The following CTNNBL1 variants were observed in gnomAD, a reference collection of about 807,000 sequenced individuals.
The protein encoded by CTNNBL1 is catenin beta like 1.
CTNNBL1 carries 31 observed loss-of-function variants against 72.7 expected under a neutral mutation model. The ratio of observed to expected loss-of-function variants is 0.43; its 90% confidence interval spans 0.32 to 0.58. CTNNBL1 has a LOEUF of 0.58. Ranked by LOEUF, CTNNBL1 falls within the 20% of genes least tolerant of loss-of-function variation. The pLI is 0.08. For synonymous variants in CTNNBL1, 240 were observed against 267.3 expected (o/e 0.90, Z 1.00); for missense variants, 534 against 725.1 (o/e 0.74, Z 3.03).
At chr20:37,759,632 A>G (rs1294883068) in intron 5 of CTNNBL1, among the ~76,000 whole-genome samples, 6 of 151,960 alleles carry the variant, frequency 3.9e-5, no homozygotes, top group Non-Finnish European at 7.4e-5. Flanking sequence ...TTTTATTTTT[A>G]TTATTATTAT....
intron 2 of CTNNBL1, among the ~76,000 whole-genome samples, chr20:37,734,693 C>T (rs1413054928): frequency 6.6e-6 from 1 of 152,236 alleles, no homozygotes; most frequent in Non-Finnish European, 1.5e-5. Flanking sequence ...ATGTTTGCCC[C>T]TGTAAAGTCA....
chr20:37,711,903 A>G (rs2072941188), intron 1 of CTNNBL1, among the ~76,000 whole-genome samples: 3 of 152,104 alleles, frequency 2.0e-5, no homozygotes, highest in Admixed American at 2.0e-4. Flanking sequence ...AGGAGGGAGA[A>G]TCCTAACATT....
At chr20:37,828,337 C>T (rs879412055) in intron 11 of CTNNBL1, among the ~76,000 whole-genome samples, 5 of 152,188 alleles carry the variant, frequency 3.3e-5, no homozygotes, top group Admixed American at 6.5e-5. Context: ...AAAGCTTCAC[C>T]ACATGAAACT....
chr20:37,780,343 T>C (rs2073615723), intron 10 of CTNNBL1, among the ~76,000 whole-genome samples: 1 of 152,164 alleles, frequency 6.6e-6, no homozygotes, highest in African/African-American at 2.4e-5. Flanking sequence ...CAAGGTACTA[T>C]GTTAAGTACT....
intron 10 of CTNNBL1, among the ~76,000 whole-genome samples, chr20:37,787,502 G>A (rs373508729): frequency 1.3e-5 from 2 of 151,930 alleles, no homozygotes; most frequent in East Asian, 1.9e-4. Flanking sequence ...CCGCCACTAC[G>A]CCCGGCTAAT....
At chr20:37,751,043 T>G (rs1435656992) in intron 4 of CTNNBL1, 4 of 152,080 alleles carry the variant, frequency 2.6e-5, no homozygotes, top group African/African-American at 9.7e-5. Flanking sequence ...TCTCTCCCTT[T>G]GCAGTGGAAA....
intron 4 of CTNNBL1, among the ~76,000 whole-genome samples, chr20:37,746,816 A>G (rs1274805911): frequency 2.0e-5 from 3 of 152,218 alleles, no homozygotes; most frequent in Non-Finnish European, 2.9e-5. Flanking sequence ...ATCTTGGGCA[A>G]TCCTTAAAAT....
chr20:37,794,933 G>A (rs2122720785), intron 10 of CTNNBL1, among the ~76,000 whole-genome samples: 1 of 151,878 alleles, frequency 6.6e-6, no homozygotes, highest in East Asian at 1.9e-4. Flanking sequence ...CTTGGTTTTT[G>A]ATGAGAAGTC....
chr20:37,722,238 C>T (rs2073046899), intron 1 of CTNNBL1, among the ~76,000 whole-genome samples: 1 of 152,088 alleles, frequency 6.6e-6, no homozygotes, highest in African/African-American at 2.4e-5. Flanking sequence ...CTTTTGGAGG[C>T]CAAGGCAGGC....
At chr20:37,854,725 G>A (rs1368829503) in intron 13 of CTNNBL1, among the ~76,000 whole-genome samples, 2 of 151,686 alleles carry the variant, frequency 1.3e-5, no homozygotes, top group African/African-American at 2.4e-5. Flanking sequence ...AGTACCTGGG[G>A]TTACAGGTGT....
rs79418629 is a variant in CTNNBL1 at position 37,791,969 on chromosome 20, A to G, written c.1032-10898A>G. 8.1e-4 allele frequency among the ~76,000 whole-genome samples: 123 copies of G among 151,144 alleles called. 1 individual carries two copies. Among genetic ancestry groups the G allele is most frequent in the South Asian group, 2.9e-3 (14 of 4,774 alleles). On this transcript the variant is annotated intron_variant, in intron 10 of 15. Coordinates refer to ENST00000361383, the MANE Select transcript of CTNNBL1 (RefSeq NM_030877.5). ...CAGTTCATGTCTTGCTTTTCATAAC[A>G]CTCTTTTGAAAATTTTTCAGTTTTG... is the stretch of plus-strand genomic sequence containing the variant.
At chr20:37,777,293 G>A (rs1014101201) in intron 7 of CTNNBL1, 52 bp from the exon 8 acceptor site, 2 of 1,435,894 alleles carry the variant, frequency 1.4e-6, no homozygotes, top group Non-Finnish European at 9.8e-7. Context: ...TTGTCCTGGG[G>A]AAGGAAGCAA....
Position 37,803,050 on chromosome 20 carries a change from T to C in CTNNBL1, c.1213+2T>C. The C allele has an allele frequency of 6.2e-7, 1 of 1,612,252 alleles. No individual in the cohort carries two copies. The highest frequency in any genetic ancestry group is 8.5e-7 in the Non-Finnish European group (1 of 1,178,934). On this transcript the variant is annotated splice_donor_variant, in intron 11 of 15. Coordinates refer to ENST00000361383, the MANE Select transcript of CTNNBL1 (RefSeq NM_030877.5). LOFTEE classifies it high-confidence loss of function. ...GAACCACTGAGAAGGAACATGAAGGTAGGGTTCACTGGAGGAGTCAGCCTA... is the reference window on the plus strand; with the variant it reads ...GAACCACTGAGAAGGAACATGAAGGCAGGGTTCACTGGAGGAGTCAGCCTA...
chr20:37,767,681 G>A (rs573010422), intron 6 of CTNNBL1, among the ~76,000 whole-genome samples: 7 of 152,238 alleles, frequency 4.6e-5, no homozygotes, highest in South Asian at 4.1e-4. Context: ...TGTGTGTTCC[G>A]CTCTAGTGTT....
chr20:37,746,667 C>T (rs1166211796), intron 4 of CTNNBL1, 60 bp downstream of exon 4: 2 of 1,578,646 alleles, frequency 1.3e-6, no homozygotes, highest in Non-Finnish European at 1.7e-6. Context: ...TGCTGTTACT[C>T]TTTCTCCTGT....
At chr20:37,762,173 G>C (rs1206421511) in intron 5 of CTNNBL1, among the ~76,000 whole-genome samples, 2 of 152,206 alleles carry the variant, frequency 1.3e-5, no homozygotes, top group African/African-American at 4.8e-5. Flanking sequence ...CAACAGGCCT[G>C]AGTTTTGCAT....
At chr20:37,725,448 C>G (rs1449412765) in intron 1 of CTNNBL1, among the ~76,000 whole-genome samples, 6 of 151,968 alleles carry the variant, frequency 3.9e-5, no homozygotes, top group East Asian at 2.0e-4. Flanking sequence ...AGGCACCCAC[C>G]ACCACACCTG....
intron 10 of CTNNBL1, among the ~76,000 whole-genome samples, chr20:37,799,939 T>C: frequency 6.6e-6 from 1 of 152,214 alleles, no homozygotes; most frequent in Admixed American, 6.5e-5. Flanking sequence ...CAGGATGGCC[T>C]GTAGCTCCAA....
intron 1 of CTNNBL1, among the ~76,000 whole-genome samples, chr20:37,724,908 CTTTTTTTTTTTTT>C (rs748038781): frequency 8.2e-6 from 1 of 122,386 alleles, no homozygotes; most frequent in African/African-American, 3.1e-5. Flanking sequence ...TCCTGTCAAT[CTTTTTTTTTTTTT>C]TTTTTTTTGA....
Sources: gnomAD v4.1 joint callset for allele counts (sites outside exome capture counted in the v4.1 genomes callset) on GRCh38, gnomAD v4.1.1 for gene constraint, MANE v1.5 for transcripts, NCBI Gene and HGNC (gene_info 2026-07-23, HGNC 2026-07-21) for gene names.